SUMF1: variants seen among roughly 807,000 people sequenced by gnomAD.
SUMF1 encodes the protein formylglycine-generating enzyme.
A neutral mutation model predicts 47.6 loss-of-function variants in SUMF1; 48 were observed. That is an observed-to-expected ratio of 1.01 (90% CI 0.80 to 1.28). SUMF1 has a LOEUF of 1.28. Ranked by LOEUF, SUMF1 falls within the 50% of genes most tolerant of loss-of-function variation. SUMF1 has a pLI of 0.00. For missense variants in SUMF1, 571 were observed against 485.4 expected (o/e 1.18, Z -1.66); for synonymous variants, 230 against 192.1 (o/e 1.20, Z -1.63).
At chr3:4,457,061 T>TAA in intron 1 of SUMF1, among the ~76,000 whole-genome samples, 1 of 98,746 alleles carries the variant, frequency 1.0e-5, no homozygotes, top group Admixed American at 1.0e-4. Flanking sequence ...CGTGTGTGTA[T>TAA]ATATATATAT....
chr3:4,229,850 C>A (rs1193869645), intron 8 of SUMF1, among the ~76,000 whole-genome samples: 1 of 150,742 alleles, frequency 6.6e-6, no homozygotes, highest in Non-Finnish European at 1.5e-5. Context: ...CCTATCTCTA[C>A]AAAAAAAAAT....
chr3:4,037,168 C>G (rs1377539172), intron 9 of SUMF1, among the ~76,000 whole-genome samples: 1 of 152,098 alleles, frequency 6.6e-6, no homozygotes, highest in African/African-American at 2.4e-5. Context: ...ATGAGTGACA[C>G]AGAGTAAGGA....
chr3:4,304,740 C>T (rs940746752), intron 8 of SUMF1, among the ~76,000 whole-genome samples: 2 of 152,090 alleles, frequency 1.3e-5, no homozygotes, highest in Non-Finnish European at 2.9e-5. Flanking sequence ...TAGCAGCTTT[C>T]AAAGATGTCA....
chr3:4,247,794 G>T (rs1182950939), intron 8 of SUMF1, among the ~76,000 whole-genome samples: 4 of 152,280 alleles, frequency 2.6e-5, no homozygotes, highest in Non-Finnish European at 4.4e-5. Context: ...TCCTTACAAA[G>T]CCCACTGATC....
chr3:4,179,790 T>A (rs796381303), intron 8 of SUMF1, among the ~76,000 whole-genome samples: 1 of 152,008 alleles, frequency 6.6e-6, no homozygotes, highest in African/African-American at 2.4e-5. Context: ...TTGTAATCTA[T>A]CCATCTGACA....
intron 8 of SUMF1, among the ~76,000 whole-genome samples, chr3:4,136,824 C>A (rs1017223716): frequency 6.6e-6 from 1 of 151,820 alleles, no homozygotes; most frequent in African/African-American, 2.4e-5. Flanking sequence ...TATGAACAGA[C>A]ACTTCTCCAA....
chr3:4,364,402 G>T (rs374244823), intron 8 of SUMF1, among the ~76,000 whole-genome samples: 24 of 129,278 alleles, frequency 1.9e-4, no homozygotes, highest in Non-Finnish European at 3.3e-4. Context: ...CAATTTCAGA[G>T]CCTGTTATTG....
intron 7 of SUMF1, among the ~76,000 whole-genome samples, chr3:4,402,857 A>C (rs1358552954): frequency 6.6e-6 from 1 of 152,260 alleles, no homozygotes; most frequent in Non-Finnish European, 1.5e-5. Flanking sequence ...TGTAAAAAAT[A>C]GCTACATAAA....
At chr3:4,342,592 G>T (rs1699294679) in intron 8 of SUMF1, among the ~76,000 whole-genome samples, 2 of 152,118 alleles carry the variant, frequency 1.3e-5, no homozygotes, top group South Asian at 4.1e-4. Flanking sequence ...GTTTTATATG[G>T]CTGGTTTCAC....
intron 6 of SUMF1, among the ~76,000 whole-genome samples, chr3:4,415,389 G>C (rs1272586321): frequency 1.3e-5 from 2 of 152,098 alleles, no homozygotes; most frequent in Non-Finnish European, 2.9e-5. Flanking sequence ...AGGAACTCTT[G>C]TACACCCATA....
chr3:4,100,437 GAA>G (rs1559470342), intron 8 of SUMF1, among the ~76,000 whole-genome samples: 1 of 152,006 alleles, frequency 6.6e-6, no homozygotes, highest in Non-Finnish European at 1.5e-5. Context: ...CACTAATGGG[GAA>G]AAGATGGTCT....
At chr3:4,449,226 G>A (rs1435465498) in intron 3 of SUMF1, 40 bp downstream of exon 3, 1 of 1,608,816 alleles carries the variant, frequency 6.2e-7, no homozygotes, top group Non-Finnish European at 8.5e-7. Context: ...TTTTCAATGA[G>A]CCTTAGAGAA....
intron 8 of SUMF1, among the ~76,000 whole-genome samples, chr3:4,115,476 GT>G (rs1337693327): frequency 2.0e-5 from 3 of 152,068 alleles, no homozygotes; most frequent in Non-Finnish European, 4.4e-5. Flanking sequence ...AGAGTGCCCT[GT>G]AACACACACC....
chr3:4,380,091 C>T (rs930433766), intron 7 of SUMF1, among the ~76,000 whole-genome samples: 7 of 152,120 alleles, frequency 4.6e-5, no homozygotes, highest in African/African-American at 1.2e-4. Flanking sequence ...GCAGGAAGAG[C>T]GGCTGCAGGG....
At position 4,165,124 on chromosome 3, in the gene SUMF1, T is replaced by C. The variant is rs571044854; in HGVS notation, c.1015-96379A>G. Among the ~76,000 whole-genome samples the C allele has an allele frequency of 8.5e-5, 13 of 152,224 alleles. No homozygotes were observed. The East Asian group carries it at 2.5e-3, about 29-fold the overall frequency. ...CCTTTCTTCAGCTGTCATTCTATCA[T>C]TTACTTGACTAAGATACCAGGTATC... On this transcript the variant is annotated intron_variant and NMD_transcript_variant, in intron 8 of 12. Transcript: ENST00000448413.
Position 4,374,300 on chromosome 3 carries a change from A to G in SUMF1, c.1014+2030T>C, listed in dbSNP as rs546902235. ...AAAATATGATACAATTTACAAAAACATTACTAGAACTAATAAATGAGTTTT... is the reference window on the plus strand; with the variant it reads ...AAAATATGATACAATTTACAAAAACGTTACTAGAACTAATAAATGAGTTTT... On this transcript the variant is annotated intron_variant, in intron 8 of 8. Coordinates refer to ENST00000272902, the MANE Select transcript of SUMF1 (RefSeq NM_182760.4). Among the ~76,000 whole-genome samples, 158 of 152,340 alleles carry G rather than the reference A, an allele frequency of 1.0e-3. 1 individual carries two copies. The highest frequency in any genetic ancestry group is 3.5e-3 in the African/African-American group (146 of 41,578).
intron 8 of SUMF1, among the ~76,000 whole-genome samples, chr3:4,247,931 AATCCCCTCAT>A (rs1559609911): frequency 6.6e-6 from 1 of 152,222 alleles, no homozygotes; most frequent in Non-Finnish European, 1.5e-5. Context: ...TCTGAGTCTC[AATCCCCTCAT>A]ACAAAATGGG....
chr3:4,070,480 C>A (rs1454809844), intron 8 of SUMF1, among the ~76,000 whole-genome samples: 1 of 152,150 alleles, frequency 6.6e-6, no homozygotes, highest in Non-Finnish European at 1.5e-5. Flanking sequence ...CTAAGAGACA[C>A]ACCATTCTAA....
intron 8 of SUMF1, among the ~76,000 whole-genome samples, chr3:4,196,394 G>A (rs1265039495): frequency 6.6e-6 from 1 of 152,182 alleles, no homozygotes; most frequent in East Asian, 1.9e-4. Context: ...TTCATGGGGG[G>A]AAGCTTTCCT....
Sources: allele counts gnomAD v4.1 joint callset (sites outside exome capture counted in the v4.1 genomes callset), GRCh38; gene constraint gnomAD v4.1.1; transcripts MANE v1.5; gene names NCBI Gene and HGNC (gene_info 2026-07-23, HGNC 2026-07-21).